FIG4: variants seen among roughly 807,000 people sequenced by gnomAD.
FIG4 encodes FIG4 phosphoinositide 5-phosphatase, also known as polyphosphoinositide phosphatase.
Under a neutral mutation model 118.6 loss-of-function variants are expected in FIG4, and 112 were observed. The observed-to-expected ratio is 0.94, with a 90% CI of 0.81 to 1.11. The LOEUF (loss-of-function observed/expected upper bound fraction) is 1.11. FIG4 is among the 50% of genes least tolerant of loss of function. The pLI, the probability that FIG4 is intolerant of heterozygous loss-of-function variation, is 0.00. For synonymous variants in FIG4, 369 were observed against 381.2 expected, an observed-to-expected ratio of 0.97 and a Z score of 0.37; for missense variants, 969 against 1,111.7, an observed-to-expected ratio of 0.87 and a Z score of 1.83.
At chr6:109,729,333 T>C (rs1775912591) in intron 4 of FIG4, among the ~76,000 whole-genome samples, 1 of 152,184 alleles carries the variant, frequency 6.6e-6, no homozygotes, top group South Asian at 2.1e-4. Flanking sequence ...CTTAATCTGA[T>C]AAATGATACC....
intron 1 of FIG4, among the ~76,000 whole-genome samples, chr6:109,710,610 T>C (rs764588371): frequency 1.4e-4 from 21 of 151,998 alleles, no homozygotes; most frequent in African/African-American, 4.8e-4. Context: ...TTGTTGTTGT[T>C]GTCATTTTTT....
chr6:109,789,071 G>C (rs1239290555), intron 18 of FIG4, among the ~76,000 whole-genome samples: 1 of 152,182 alleles, frequency 6.6e-6, no homozygotes. Context: ...CTGTGTTTTT[G>C]ATCATTATGT....
At chr6:109,710,908 T>C (rs1775237992) in intron 1 of FIG4, among the ~76,000 whole-genome samples, 1 of 126,594 alleles carries the variant, frequency 7.9e-6, no homozygotes, top group Admixed American at 8.4e-5. Context: ...TTATTAGTTT[T>C]TAAAAAAAAA....
At chr6:109,737,671 C>T (rs995959625) in intron 6 of FIG4, among the ~76,000 whole-genome samples, 1 of 152,036 alleles carries the variant, frequency 6.6e-6, no homozygotes, top group African/African-American at 2.4e-5. Flanking sequence ...TTTTGTAAAA[C>T]TCATTGCTGT....
At chr6:109,751,995 C>T (rs1224138946) in intron 10 of FIG4, among the ~76,000 whole-genome samples, 5 of 105,700 alleles carry the variant, frequency 4.7e-5, no homozygotes, top group Non-Finnish European at 9.3e-5. Context: ...CCCCTCCCCC[C>T]ACCCCACAAC....
At chr6:109,757,501 A>G (rs766340851) in intron 10 of FIG4, among the ~76,000 whole-genome samples, 14 of 152,232 alleles carry the variant, frequency 9.2e-5, no homozygotes, top group Non-Finnish European at 1.8e-4. Flanking sequence ...CCCACAGCCA[A>G]TATCATACTG....
intron 1 of FIG4, 43 bp from the exon 2 acceptor site, chr6:109,715,035 C>A: frequency 8.9e-7 from 1 of 1,125,576 alleles, no homozygotes; most frequent in Non-Finnish European, 1.4e-6. Flanking sequence ...GTGTATAGGG[C>A]AAAATGCTTT....
chr6:109,795,711 C>T (rs1021416756), intron 21 of FIG4, among the ~76,000 whole-genome samples: 2 of 141,124 alleles, frequency 1.4e-5, no homozygotes, highest in East Asian at 2.2e-4. Flanking sequence ...AAGCAATTCT[C>T]CTGCCTCAGC....
chr6:109,743,900 G>T, intron 10 of FIG4, 128 bp downstream of exon 10: 1 of 759,388 alleles, frequency 1.3e-6, no homozygotes, highest in South Asian at 1.4e-5. Context: ...TTATTATGCT[G>T]GGACAGCTCA....
At position 109,716,456 on chromosome 6, in the gene FIG4, TCAA is replaced by T; in HGVS notation, c.181_183del (p.Gln61del). On this transcript the variant is annotated inframe_deletion, in exon 3 of 23. Coordinates refer to ENST00000230124, the MANE Select transcript of FIG4 (RefSeq NM_014845.6). The stretch of plus-strand genomic sequence containing the variant: ...GTGCTTATTCTTAGCATGTCTATAC[TCAA>T]CAAGAAGTAAGGGAACTTCTTGGCC... 1 of 1,613,736 alleles carries T rather than the reference TCAA, an allele frequency of 6.2e-7. No homozygotes were observed. The highest frequency in any genetic ancestry group is 1.1e-5 in the South Asian group (1 of 91,080).
At chr6:109,805,588 C>T (rs565569932) in intron 22 of FIG4, among the ~76,000 whole-genome samples, 26 of 152,074 alleles carry the variant, frequency 1.7e-4, no homozygotes, top group East Asian at 3.8e-4. Context: ...GTTTCTATTC[C>T]GTATGTGTGA....
chr6:109,730,319 G>C (rs1176061707), intron 4 of FIG4, among the ~76,000 whole-genome samples: 3 of 152,136 alleles, frequency 2.0e-5, no homozygotes, highest in Non-Finnish European at 4.4e-5. Flanking sequence ...AAAGTCCTGG[G>C]ATTACAGACA....
chr6:109,789,736 A>T, intron 19 of FIG4, 59 bp downstream of exon 19: 3 of 1,220,304 alleles, frequency 2.5e-6, no homozygotes, highest in Non-Finnish European at 2.4e-6. Flanking sequence ...AGTACTTGCA[A>T]TATGATTTCC....
rs1317220309 is a variant in FIG4 at position 109,716,490 on chromosome 6, G to A, written c.211G>A (p.Asp71Asn). Reference sequence around the variant, plus strand: ...AGTAAGGGAACTTCTTGGCCGCTTGGATCTTGGAAATAGAACAAAGATGGG... The same window carrying A: ...AGTAAGGGAACTTCTTGGCCGCTTGAATCTTGGAAATAGAACAAAGATGGG... ...QEVRELLGRL[D>N]LGNRTKMGQK... The change falls in exon 3 of 23, where the codon GAT becomes AAT. Residue 71 changes from aspartate (D) to asparagine (N), a missense_variant. Asp to Asn is a conservative substitution (Grantham distance 23, BLOSUM62 1). Transcript: ENST00000230124. 1.2e-6 allele frequency: 2 copies of A among 1,613,764 alleles called. No individual in the cohort carries two copies. The highest frequency in any genetic ancestry group is 2.2e-5 in the East Asian group (1 of 44,872).
chr6:109,788,702 C>T (rs1044230543), intron 18 of FIG4, among the ~76,000 whole-genome samples: 5 of 152,204 alleles, frequency 3.3e-5, no homozygotes, highest in African/African-American at 1.2e-4. Context: ...AGAATTTAAG[C>T]CAGTTACATC....
chr6:109,732,573 A>C (rs531729825), intron 4 of FIG4, 64 bp from the exon 5 acceptor site: 2 of 846,228 alleles, frequency 2.4e-6, no homozygotes, highest in East Asian at 2.4e-5. Context: ...ATATGGGTAC[A>C]TGTTAAACTG....
chr6:109,755,784 G>T (rs1004584860), intron 10 of FIG4, among the ~76,000 whole-genome samples: 6 of 152,038 alleles, frequency 3.9e-5, no homozygotes, highest in Non-Finnish European at 8.8e-5. Flanking sequence ...TTTTCCATTT[G>T]CTTGGTAGAT....
At chr6:109,741,419 A>C in intron 7 of FIG4, 25 bp from the exon 8 acceptor site, 1 of 1,463,142 alleles carries the variant, frequency 6.8e-7, no homozygotes, top group South Asian at 1.1e-5. Context: ...CATGAATGCT[A>C]AACAACCTTA....
chr6:109,752,736 T>A lies in FIG4; in HGVS notation c.1138-7514T>A, dbSNP rs140170654. On this transcript the variant is annotated intron_variant, in intron 10 of 22. Transcript: ENST00000230124. Reference sequence around the variant, plus strand: ...TTGAGTTCATTGTAGATTCTAGATATTAGCCCTTAGTCAGATGAGTAGGTT... The same window carrying A: ...TTGAGTTCATTGTAGATTCTAGATAATAGCCCTTAGTCAGATGAGTAGGTT... Among the ~76,000 whole-genome samples, 1,149 of 152,326 alleles carry A rather than the reference T, an allele frequency of 7.5e-3. 17 individuals carry two copies. The highest frequency in any genetic ancestry group is 0.026 in the African/African-American group (1,099 of 41,568).
Sources: gnomAD v4.1 joint callset for allele counts (sites outside exome capture counted in the v4.1 genomes callset) on GRCh38, gnomAD v4.1.1 for gene constraint, MANE v1.5 for transcripts, NCBI Gene and HGNC (gene_info 2026-07-23, HGNC 2026-07-21) for gene names.